DPF3: variants seen among roughly 807,000 people sequenced by gnomAD.
The protein encoded by DPF3 is zinc finger protein DPF3.
Under a neutral mutation model 56.8 loss-of-function variants are expected in DPF3, and 18 were observed. The ratio of observed to expected loss-of-function variants is 0.32; its 90% CI spans 0.22 to 0.47. The LOEUF is 0.47. Ranked by LOEUF, DPF3 falls within the 20% of genes least tolerant of loss-of-function variation. The pLI, the probability that DPF3 is intolerant of heterozygous loss-of-function variation, is 1.00. For missense variants in DPF3, 403 were observed against 488.8 expected (o/e 0.82, Z 1.65); for synonymous variants, 188 against 180.2 (o/e 1.04, Z -0.35).
chr14:72,630,874 G>T (rs187268033), intron 8 of DPF3, among the ~76,000 whole-genome samples: 60 of 152,296 alleles, frequency 3.9e-4, no homozygotes. Flanking sequence ...ATGCTTTAAA[G>T]AAGGATGCTA....
intron 5 of DPF3, among the ~76,000 whole-genome samples, chr14:72,718,769 C>CTCTTTTTTTTTTT (rs1172947236): frequency 1.4e-4 from 2 of 14,750 alleles, no homozygotes; most frequent in South Asian, 4.1e-3. Context: ...TACACCCTTG[C>CTCTTTTTTTTTTT]TATTTTTTTT....
intron 8 of DPF3, among the ~76,000 whole-genome samples, chr14:72,668,928 G>T (rs1029524483): frequency 1.3e-5 from 2 of 152,140 alleles, no homozygotes; most frequent in Non-Finnish European, 2.9e-5. Context: ...AAACCTACTG[G>T]AACAAACTCT....
chr14:72,717,921 G>A (rs1599381555), intron 5 of DPF3, among the ~76,000 whole-genome samples: 1 of 152,220 alleles, frequency 6.6e-6, no homozygotes, highest in South Asian at 2.1e-4. Context: ...AGCCATGAGT[G>A]TACCACATGG....
intron 1 of DPF3, among the ~76,000 whole-genome samples, chr14:72,806,375 C>T (rs1285979339): frequency 6.6e-6 from 1 of 152,114 alleles, no homozygotes; most frequent in African/African-American, 2.4e-5. Flanking sequence ...TTAGTTCCTC[C>T]CCAAAAGTTC....
chr14:72,743,403 A>T (rs1456069003), intron 3 of DPF3, among the ~76,000 whole-genome samples: 1 of 151,960 alleles, frequency 6.6e-6, no homozygotes, highest in African/African-American at 2.4e-5. Context: ...CATCACCAGG[A>T]TCCCCTGGGA....
intron 1 of DPF3, among the ~76,000 whole-genome samples, chr14:72,836,681 C>T (rs1264753980): frequency 6.6e-6 from 1 of 152,014 alleles, no homozygotes; most frequent in African/African-American, 2.4e-5. Context: ...CGATCTGGGA[C>T]CTCAGAAGAC....
At chr14:72,688,133 G>C (rs955814098) in intron 7 of DPF3, among the ~76,000 whole-genome samples, 3 of 141,758 alleles carry the variant, frequency 2.1e-5, no homozygotes, top group African/African-American at 7.7e-5. Flanking sequence ...TGGATGGATA[G>C]ATGGACAGAT....
intron 1 of DPF3, chr14:72,774,086 A>G (rs1891658835): frequency 2.4e-6 from 1 of 412,358 alleles, no homozygotes; most frequent in Non-Finnish European, 4.8e-6. Flanking sequence ...GGAGTTCGAG[A>G]CCAGCCTGGC....
At chr14:72,734,055 C>T (rs1889786413) in intron 3 of DPF3, among the ~76,000 whole-genome samples, 1 of 152,194 alleles carries the variant, frequency 6.6e-6, no homozygotes, top group South Asian at 2.1e-4. Context: ...TCTATCCATT[C>T]AACAGATATT....
chr14:72,661,694 G>T (rs972717746), intron 8 of DPF3: 1 of 985,422 alleles, frequency 1.0e-6, no homozygotes, highest in Non-Finnish European at 1.2e-6. Context: ...AACTGAATTT[G>T]AGGTTCTCAT....
intron 1 of DPF3, among the ~76,000 whole-genome samples, chr14:72,777,946 G>A (rs1022912320): frequency 1.3e-5 from 2 of 152,154 alleles, no homozygotes; most frequent in African/African-American, 4.8e-5. Context: ...TACAAGAATG[G>A]CCTAATCCAG....
At chr14:72,668,638 GA>G (rs1473815074) in intron 8 of DPF3, among the ~76,000 whole-genome samples, 2 of 151,958 alleles carry the variant, frequency 1.3e-5, no homozygotes, top group Non-Finnish European at 2.9e-5. Context: ...GCTAGACTCT[GA>G]AATTAGGTAG....
At position 72,615,013 on chromosome 14, in the gene DPF3, C is replaced by A. The variant is rs1485530164; in HGVS notation, c.*4284G>T. Among the ~76,000 whole-genome samples the A allele has an allele frequency of 6.6e-6, 1 of 151,830 alleles. No individual in the cohort carries two copies. Among genetic ancestry groups the A allele is most frequent in the African/African-American group, 2.4e-5 (1 of 41,302 alleles). On this transcript the variant is annotated 3_prime_UTR_variant, in exon 11 of 11. Transcript: ENST00000556509. ...GTCACCACTGCTACCAGGAGCCAGGCCTGGGACTTGCGGCATCCTGTGGGA... is the reference window on the plus strand; with the variant it reads ...GTCACCACTGCTACCAGGAGCCAGGACTGGGACTTGCGGCATCCTGTGGGA...
chr14:72,767,775 A>AAC (rs1891350818), intron 2 of DPF3, among the ~76,000 whole-genome samples: 2 of 146,474 alleles, frequency 1.4e-5, no homozygotes, highest in East Asian at 4.0e-4. Context: ...AAAAAAAAAA[A>AAC]AAAACCCCAT....
Position 72,714,466 on chromosome 14 carries a change from G to C in DPF3, c.561C>G (p.Asp187Glu). The change falls in exon 6 of 11, where the codon GAC (aspartate) becomes GAG (glutamate). Residue 187 changes from aspartate to glutamate, a missense_variant. By Grantham distance (45) the Asp-to-Glu change is conservative. Coordinates refer to ENST00000556509, the MANE Select transcript of DPF3 (RefSeq NM_001280542.3). The stretch of plus-strand genomic sequence containing the variant: ...TGTCGTGGTCTTCCTGAGAGGCGGC[G>C]TCGTGCCTCCTCCTGCCCCCTGCAG... ...RGSAGGRRRH[D>E]AASQEDHDKP... The C allele has an allele frequency of 6.2e-7, 1 of 1,613,848 alleles. No homozygotes were observed. The highest frequency in any genetic ancestry group is 8.5e-7 in the Non-Finnish European group (1 of 1,179,788).
rs1473099796 is a variant in DPF3 at position 72,619,287 on chromosome 14, A to T, written c.*10T>A. On this transcript the variant is annotated 3_prime_UTR_variant, in exon 11 of 11. Coordinates refer to ENST00000556509, the MANE Select transcript of DPF3 (RefSeq NM_001280542.3). ...CTCCAGCAGCGAGTCACATTCTGTG[A>T]CCTGGGGCCCTAGGCCTGGCAGCCA... 6.5e-7 allele frequency: 1 copy of T among 1,535,748 alleles called. No individual in the cohort carries two copies. Among genetic ancestry groups the T allele is most frequent in the African/African-American group, 1.4e-5 (1 of 72,998 alleles).
intron 1 of DPF3, among the ~76,000 whole-genome samples, chr14:72,812,815 G>A (rs1883115740): frequency 6.6e-6 from 1 of 152,210 alleles, no homozygotes; most frequent in South Asian, 2.1e-4. Context: ...CAGTGGCAGG[G>A]CCCATGGTGA....
chr14:72,799,093 A>C (rs1026449247), intron 1 of DPF3, among the ~76,000 whole-genome samples: 2 of 152,050 alleles, frequency 1.3e-5, no homozygotes, highest in Non-Finnish European at 1.5e-5. Flanking sequence ...AACTCAAACC[A>C]CTGGGCAGGT....
intron 8 of DPF3, among the ~76,000 whole-genome samples, chr14:72,657,708 C>T (rs1886096179): frequency 6.6e-6 from 1 of 152,082 alleles, no homozygotes; most frequent in Non-Finnish European, 1.5e-5. Flanking sequence ...TCTTGTGGGC[C>T]AAATCTGGCC....
Sources: gnomAD v4.1 joint callset for allele counts (sites outside exome capture counted in the v4.1 genomes callset) on GRCh38, gnomAD v4.1.1 for gene constraint, MANE v1.5 for transcripts, NCBI Gene and HGNC (gene_info 2026-07-23, HGNC 2026-07-21) for gene names.